Variants in ABCB11 observed in about 807,000 individuals in gnomAD.
ABCB11 encodes the protein bile salt export pump.
A neutral mutation model predicts 148.0 loss-of-function variants in ABCB11; 95 were observed. The observed-to-expected ratio is 0.64, with a 90% CI of 0.54 to 0.76. ABCB11 has a LOEUF of 0.76. Ranked by LOEUF, ABCB11 falls within the 30% of genes least tolerant of loss-of-function variation. The pLI, the probability that ABCB11 is intolerant of heterozygous loss-of-function variation, is 0.00. For synonymous variants in ABCB11, 591 were observed against 555.4 expected (o/e 1.06, Z -0.90); for missense variants, 1,523 against 1,617.8 (o/e 0.94, Z 1.01).
intron 2 of ABCB11, 87 bp downstream of exon 2, chr2:169,017,963 T>C (rs1695415051): frequency 1.8e-6 from 2 of 1,118,162 alleles, no homozygotes; most frequent in Non-Finnish European, 2.7e-6. Context: ...CTGATTTTTT[T>C]CTGCTCCTTG....
chr2:169,021,430 G>C (rs1695536440), intron 1 of ABCB11, among the ~76,000 whole-genome samples: 1 of 151,926 alleles, frequency 6.6e-6, no homozygotes, highest in African/African-American at 2.4e-5. Context: ...ATATAATAAA[G>C]GACATATAAT....
At chr2:168,924,846 T>C in intron 26 of ABCB11, 43 bp from the exon 27 acceptor site, 3 of 1,572,552 alleles carry the variant, frequency 1.9e-6, no homozygotes, top group Non-Finnish European at 2.6e-6. Flanking sequence ...AAACAGTTAT[T>C]GCTCCTGTGC....
At chr2:168,977,375 A>G (rs1167208841) in intron 11 of ABCB11, among the ~76,000 whole-genome samples, 6 of 152,154 alleles carry the variant, frequency 3.9e-5, no homozygotes, top group African/African-American at 1.4e-4. Flanking sequence ...TTGAGTATCC[A>G]TGGTAGATGA....
At chr2:168,924,098 G>A (rs1158015226) in intron 27 of ABCB11, among the ~76,000 whole-genome samples, 2 of 152,204 alleles carry the variant, frequency 1.3e-5, no homozygotes, top group Admixed American at 1.3e-4. Flanking sequence ...CTAGTTTCCT[G>A]AAATGAAATG....
chr2:168,936,151 T>TTCGTACTAC, intron 22 of ABCB11, 79 bp downstream of exon 22: 1 of 1,383,702 alleles, frequency 7.2e-7, no homozygotes, highest in Non-Finnish European at 9.9e-7. Flanking sequence ...CTTCAGTCTC[T>TTCGTACTAC]TCGTACTACT....
intron 9 of ABCB11, among the ~76,000 whole-genome samples, chr2:168,988,694 C>A (rs1694411223): frequency 6.6e-6 from 1 of 152,014 alleles, no homozygotes; most frequent in African/African-American, 2.4e-5. Flanking sequence ...TCTCCATACT[C>A]TTTGGCTGTA....
At chr2:168,971,488 T>C (rs984698353) in intron 14 of ABCB11, among the ~76,000 whole-genome samples, 3 of 152,028 alleles carry the variant, frequency 2.0e-5, no homozygotes, top group Admixed American at 2.0e-4. Flanking sequence ...GTGCAAGTTA[T>C]TGCCACATGA....
rs1337185703 is a variant in ABCB11 at position 169,013,457 on chromosome 2, A to G, written c.204T>C (p.Cys68=). The change falls in exon 5 of 28, where the codon TGT becomes TGC. Residue 68 remains cysteine, a synonymous_variant. Transcript: ENST00000650372. ...DIWLMFVGSL[C]AFLHGIAQPG... ...GCTGGGCTATTCCATGGAGAAATGC[A>G]CACAAACTTCCCACAAACATCAGCC... is the stretch of plus-strand genomic sequence containing the variant. 6.2e-7 allele frequency: 1 copy of G among 1,613,724 alleles called. No homozygotes were observed. The highest frequency in any genetic ancestry group is 1.7e-5 in the Admixed American group (1 of 59,956).
In ABCB11 at chr2:169,018,057, A is replaced by T; in HGVS notation, c.69T>A (p.Asp23Glu). 1 of 1,613,036 alleles carries T rather than the reference A, an allele frequency of 6.2e-7. No homozygotes were observed. Among genetic ancestry groups the T allele is most frequent in the South Asian group, 1.1e-5 (1 of 91,064 alleles). ...GGGAAAAAAGCCACTCACATGATTT[A>T]TCTGACTCAAAACCATCATTCTCCT... Reference protein sequence around the residue: ...FGEENDGFESDKSYNNDKKSR... With the variant: ...FGEENDGFESEKSYNNDKKSR... The change falls in exon 2 of 28, where the codon GAT becomes GAA. Residue 23 changes from aspartate to glutamate, a missense_variant. By Grantham distance (45) the Asp-to-Glu change is conservative (BLOSUM62 2). Coordinates refer to ENST00000650372, the MANE Select transcript of ABCB11 (RefSeq NM_003742.4).
At chr2:169,006,062 G>A (rs976793093) in intron 5 of ABCB11, among the ~76,000 whole-genome samples, 14 of 152,176 alleles carry the variant, frequency 9.2e-5, no homozygotes, top group East Asian at 3.9e-4. Flanking sequence ...AGAATTATCC[G>A]ATACCAAAAG....
At chr2:168,984,818 C>G (rs1422826971) in intron 10 of ABCB11, among the ~76,000 whole-genome samples, 11 of 152,190 alleles carry the variant, frequency 7.2e-5, no homozygotes, top group Admixed American at 7.2e-4. Context: ...ATTTGTTTCT[C>G]TATAAAATTT....
At chr2:169,007,280 G>A (rs1009187179) in intron 5 of ABCB11, among the ~76,000 whole-genome samples, 7 of 152,232 alleles carry the variant, frequency 4.6e-5, no homozygotes, top group African/African-American at 1.2e-4. Flanking sequence ...AATGATGCTG[G>A]AACAACTGGC....
At chr2:168,928,618 C>T (rs1174894417) in intron 25 of ABCB11, among the ~76,000 whole-genome samples, 1 of 152,146 alleles carries the variant, frequency 6.6e-6, no homozygotes. Context: ...CCAGAACATT[C>T]ACTGGGCATA....
Position 168,975,279 on chromosome 2 carries a change from ATGAATATT to A in ABCB11, c.1308+1290_1308+1297del, listed in dbSNP as rs1316757703. On this transcript the variant is annotated intron_variant, in intron 12 of 27. Transcript: ENST00000650372. ...TATTTAAATATTTATAGATAAATAT[ATGAATATT>A]TAAATATTTTTATATTTAAATATTT... 6.5e-3 allele frequency among the ~76,000 whole-genome samples: 487 copies of A among 75,272 alleles called. 172 individuals carry two copies. Among genetic ancestry groups the A allele is most frequent in the African/African-American group, 0.012 (186 of 14,962 alleles). The allele number at this position is 75,272 out of a possible 152,430, so 49.4% of individuals were successfully genotyped here.
chr2:168,959,452 C>T (rs776243163), intron 18 of ABCB11, among the ~76,000 whole-genome samples: 3 of 151,512 alleles, frequency 2.0e-5, no homozygotes, highest in African/African-American at 4.8e-5. Context: ...CGTGGCCACC[C>T]GTAAAGTGTA....
At chr2:169,028,521 G>C (rs1695767912) in intron 1 of ABCB11, among the ~76,000 whole-genome samples, 1 of 152,130 alleles carries the variant, frequency 6.6e-6, no homozygotes, top group Non-Finnish European at 1.5e-5. Flanking sequence ...GCAAGAGACA[G>C]GGCAGCCGGG....
At chr2:169,000,678 TATATA>T (rs1290124367) in intron 5 of ABCB11, among the ~76,000 whole-genome samples, 13 of 152,166 alleles carry the variant, frequency 8.5e-5, no homozygotes, top group Non-Finnish European at 1.8e-4. Flanking sequence ...CTGCATTAGC[TATATA>T]ATATGTCTTG....
intron 17 of ABCB11, among the ~76,000 whole-genome samples, chr2:168,966,667 T>G (rs1225017619): frequency 6.6e-6 from 1 of 151,932 alleles, no homozygotes; most frequent in East Asian, 1.9e-4. Flanking sequence ...TAAAATATAT[T>G]GCTGAAAAGG....
At chr2:168,990,650 C>T in intron 9 of ABCB11, 151 bp downstream of exon 9, 1 of 948,776 alleles carries the variant, frequency 1.1e-6, no homozygotes, top group African/African-American at 1.6e-5. Context: ...AATTACCAAC[C>T]TAAATTACTC....
Sources: gnomAD v4.1 joint callset for allele counts (sites outside exome capture counted in the v4.1 genomes callset) on GRCh38, gnomAD v4.1.1 for gene constraint, MANE v1.5 for transcripts, NCBI Gene and HGNC (gene_info 2026-07-23, HGNC 2026-07-21) for gene names.